Variants in LONP2 observed in about 807,000 individuals in gnomAD.
LONP2 encodes the protein lon peptidase 2, peroxisomal.
LONP2 carries 60 observed loss-of-function variants against 85.6 expected under a neutral mutation model. The observed-to-expected ratio is 0.70, with a 90% confidence interval of 0.57 to 0.87. The LOEUF (loss-of-function observed/expected upper bound fraction) is 0.87, where lower values mean the gene tolerates loss of function less well. LONP2 is among the 40% of genes least tolerant of loss of function. The probability of loss-of-function intolerance (pLI) is 0.00; values close to 1 mark genes in which losing one functional copy is unlikely to be tolerated. For missense variants in LONP2, 860 were observed against 1,063.5 expected, an observed-to-expected ratio of 0.81 and a Z score of 2.66; for synonymous variants, 395 against 389.7, an observed-to-expected ratio of 1.01 and a Z score of -0.16.
Position 48,327,527 on chromosome 16 carries a change from G to A in LONP2, c.1796-6689G>A, listed in dbSNP as rs187121425. Among the ~76,000 whole-genome samples the A allele has an allele frequency of 2.7e-4, 41 of 152,002 alleles. 1 individual carries two copies. Among genetic ancestry groups the A allele is most frequent in the Admixed American group, 2.5e-3 (38 of 15,256 alleles). On this transcript the variant is annotated intron_variant, in intron 11 of 14. Coordinates refer to ENST00000285737, the MANE Select transcript of LONP2 (RefSeq NM_031490.5). ...GGTTGGAGTGCAGTGGCATGATCTC[G>A]GCTCACTGCAACCTCCACTTCCCGG...
At chr16:48,282,984 A>G (rs1292763433) in intron 8 of LONP2, among the ~76,000 whole-genome samples, 1 of 152,216 alleles carries the variant, frequency 6.6e-6, no homozygotes, top group Non-Finnish European at 1.5e-5. Context: ...AAGAAAGTGA[A>G]ATGGCCTTAT....
chr16:48,249,331 C>T (rs1303307159), intron 1 of LONP2, among the ~76,000 whole-genome samples: 1 of 152,140 alleles, frequency 6.6e-6, no homozygotes, highest in South Asian at 2.1e-4. Flanking sequence ...GCCTTTTGAG[C>T]ATGCCTAATA....
chr16:48,285,400 GC>G (rs944253165), intron 8 of LONP2, among the ~76,000 whole-genome samples: 2 of 152,090 alleles, frequency 1.3e-5, no homozygotes, highest in Non-Finnish European at 2.9e-5. Flanking sequence ...GAAGTATGTG[GC>G]CAGTATTTCT....
At chr16:48,305,355 A>G (rs1391444249) in intron 11 of LONP2, among the ~76,000 whole-genome samples, 1 of 152,124 alleles carries the variant, frequency 6.6e-6, no homozygotes, top group Non-Finnish European at 1.5e-5. Flanking sequence ...CCGAGGTTCA[A>G]GTGATTCTCC....
At chr16:48,293,383 G>A (rs1482912042) in intron 8 of LONP2, among the ~76,000 whole-genome samples, 5 of 152,122 alleles carry the variant, frequency 3.3e-5, no homozygotes, top group Non-Finnish European at 5.9e-5. Context: ...AGCCGAGATC[G>A]CGCCACTGCA....
rs1156512981 is a variant in LONP2, at chr16:48,296,037, A to C, written c.1406A>C (p.His469Pro). The C allele has an allele frequency of 3.7e-6, 6 of 1,614,200 alleles. No individual in the cohort carries two copies. The highest frequency in any genetic ancestry group is 5.1e-6 in the Non-Finnish European group (6 of 1,180,020). ...TAGGTGTTGGATCCTGAACAAAACC[A>C]TAACTTCACAGATCATTATCTAAAT... ...LLEVLDPEQN[H>P]NFTDHYLNVA... Residue 469 changes from histidine to proline, a missense_variant, in exon 9 of 15, where the codon CAT (histidine) becomes CCT (proline). Coordinates refer to ENST00000285737, the MANE Select transcript of LONP2 (RefSeq NM_031490.5).
At chr16:48,283,301 A>G (rs567498154) in intron 8 of LONP2, among the ~76,000 whole-genome samples, 41 of 152,244 alleles carry the variant, frequency 2.7e-4, no homozygotes, top group African/African-American at 9.4e-4. Flanking sequence ...AGGTGGCTAC[A>G]CTAAAAAACA....
chr16:48,306,732 A>T (rs148952297), intron 11 of LONP2, among the ~76,000 whole-genome samples: 61 of 152,332 alleles, frequency 4.0e-4, no homozygotes, highest in African/African-American at 1.3e-3. Flanking sequence ...AAACCAAAAG[A>T]ATAATTTCTA....
Position 48,252,484 on chromosome 16 carries a change from T to C in LONP2, c.468+119T>C, listed in dbSNP as rs1220618207. On this transcript the variant is annotated intron_variant, in intron 2 of 14. Transcript: ENST00000285737. Reference sequence around the variant, plus strand: ...GACAGTATACATTTAAATGAGTTAGTAACATTATATATTAATTCTGATTTA... The same window carrying C: ...GACAGTATACATTTAAATGAGTTAGCAACATTATATATTAATTCTGATTTA... 5 of 564,700 alleles carry C rather than the reference T, an allele frequency of 8.9e-6. No homozygotes were observed. The East Asian group carries it at 1.5e-4, about 17-fold the overall frequency. 35.0% of individuals were successfully genotyped at this position (564,700 alleles called of 1,614,324 possible).
At chr16:48,311,238 A>G (rs987764795) in intron 11 of LONP2, among the ~76,000 whole-genome samples, 3 of 152,146 alleles carry the variant, frequency 2.0e-5, no homozygotes, top group Admixed American at 6.5e-5. Flanking sequence ...ATTTTCTCAA[A>G]TAGGTTTTCT....
At chr16:48,299,235 T>C (rs1447258000) in intron 9 of LONP2, among the ~76,000 whole-genome samples, 2 of 152,122 alleles carry the variant, frequency 1.3e-5, no homozygotes, top group Non-Finnish European at 2.9e-5. Context: ...TTTGAAATAA[T>C]ACTTAAATTT....
intron 12 of LONP2, among the ~76,000 whole-genome samples, chr16:48,337,383 C>G (rs1205015323): frequency 6.6e-6 from 1 of 152,182 alleles, no homozygotes; most frequent in East Asian, 1.9e-4. Flanking sequence ...TTGTTGACCA[C>G]TCCCATTTTT....
intron 6 of LONP2, among the ~76,000 whole-genome samples, chr16:48,265,172 C>T (rs1971964802): frequency 6.6e-6 from 1 of 152,122 alleles, no homozygotes; most frequent in African/African-American, 2.4e-5. Context: ...AGGTTGCCTT[C>T]TCATTTTGCT....
Position 48,353,785 on chromosome 16 carries a change from A to G in LONP2, c.*1983A>G, listed in dbSNP as rs1294819005. On this transcript the variant is annotated 3_prime_UTR_variant, in exon 15 of 15. Transcript: ENST00000285737. ...CACCCACATCGCTCTGCCCTGTTCCACCCAGCAGGGGCAACAAGGATATAA... is the reference window on the plus strand; with the variant it reads ...CACCCACATCGCTCTGCCCTGTTCCGCCCAGCAGGGGCAACAAGGATATAA... The G allele has an allele frequency of 3.3e-5, 5 of 151,770 alleles. No homozygotes were observed. The highest frequency in any genetic ancestry group is 1.2e-4 in the African/African-American group (5 of 41,270). The allele number at this position is 151,770 out of a possible 1,614,324, so 9.4% of individuals were successfully genotyped here. A position where few individuals can be genotyped will look rare whatever the true frequency, so the allele number is the denominator to read the frequency against.
At chr16:48,272,090 T>C (rs1172845338) in intron 7 of LONP2, among the ~76,000 whole-genome samples, 2 of 152,218 alleles carry the variant, frequency 1.3e-5, no homozygotes, top group African/African-American at 4.8e-5. Context: ...CTTTTCACAT[T>C]GGTATTGATT....
intron 11 of LONP2, among the ~76,000 whole-genome samples, chr16:48,332,686 G>C (rs1048382912): frequency 6.6e-6 from 1 of 151,902 alleles, no homozygotes; most frequent in Non-Finnish European, 1.5e-5. Context: ...ACGCCCGCCT[G>C]GGTGACACAG....
At chr16:48,318,657 G>A (rs1005004563) in intron 11 of LONP2, among the ~76,000 whole-genome samples, 1 of 152,180 alleles carries the variant, frequency 6.6e-6, no homozygotes, top group Non-Finnish European at 1.5e-5. Context: ...TGGGAGAAAG[G>A]TATCCTGCCA....
downstream of LONP2, among the ~76,000 whole-genome samples, chr16:48,357,940 A>C (rs1273253696): frequency 2.0e-5 from 3 of 152,226 alleles, no homozygotes; most frequent in Admixed American, 2.0e-4. Context: ...TTAAGGGTAT[A>C]AAAGCAATAG....
downstream of LONP2, chr16:48,362,326 A>G: frequency 6.2e-7 from 1 of 1,614,190 alleles, no homozygotes; most frequent in Non-Finnish European, 8.5e-7. The surrounding 1 kb of genome is among the most constrained non-coding windows in gnomAD (Gnocchi z 4.2). Context: ...AGACTCGCCA[A>G]GTCATTGTTG....
Sources: allele counts gnomAD v4.1 joint callset (sites outside exome capture counted in the v4.1 genomes callset), GRCh38; gene constraint gnomAD v4.1.1; non-coding constraint Gnocchi (gnomAD v3.1); transcripts MANE v1.5; gene names NCBI Gene and HGNC (gene_info 2026-07-23, HGNC 2026-07-21).